ODF2L: variants seen among roughly 807,000 people sequenced by gnomAD.
ODF2L encodes the protein protein BCAP.
A neutral mutation model predicts 86.3 loss-of-function variants in ODF2L; 76 were observed. The observed-to-expected ratio is 0.88, with a 90% CI of 0.73 to 1.07. The LOEUF is 1.07. Ranked by LOEUF, ODF2L falls within the 50% of genes least tolerant of loss-of-function variation. The probability of loss-of-function intolerance (pLI) is 0.00; values close to 1 mark genes in which losing one functional copy is unlikely to be tolerated. For synonymous variants in ODF2L, 241 were observed against 231.3 expected (o/e 1.04, Z -0.38); for missense variants, 748 against 717.4 (o/e 1.04, Z -0.49).
Position 86,354,702 on chromosome 1 carries a change from G to T in ODF2L, c.1605-10C>A, listed in dbSNP as rs150379514. 3.6e-3 allele frequency: 5,765 copies of T among 1,596,204 alleles called. 25 individuals are homozygous for T. Among genetic ancestry groups the T allele is most frequent in the South Asian group, 5.4e-3 (482 of 88,970 alleles). ...CATCTGTTCTAATTTTCTTTTTACA[G>T]AAAACATATATTTTAAAATGTTAAT... On this transcript the variant is annotated splice_polypyrimidine_tract_variant and intron_variant, in intron 15 of 17. Transcript: ENST00000317336.
At chr1:86,373,893 T>C (rs1659986390) in intron 8 of ODF2L, among the ~76,000 whole-genome samples, 1 of 152,222 alleles carries the variant, frequency 6.6e-6, no homozygotes, top group Non-Finnish European at 1.5e-5. Context: ...GATTTTTATC[T>C]GCTTTTGTTC....
rs1217560425 is a variant in ODF2L, at chr1:86,352,164, G to A, written c.*27C>T. 7.3e-6 allele frequency: 11 copies of A among 1,510,488 alleles called. No homozygotes were observed. In the African/African-American group the frequency reaches 1.4e-4, roughly 19 times the overall value. 93.6% of individuals were successfully genotyped at this position (1,510,488 alleles called of 1,614,324 possible). A position where few individuals can be genotyped will look rare whatever the true frequency, so the allele number is the denominator to read the frequency against. The stretch of plus-strand genomic sequence containing the variant: ...AATCTTTTAGGTTTTCAACTTTTTA[G>A]ACACTTGGGAATTAAAAAAATAGAT... On this transcript the variant is annotated 3_prime_UTR_variant, in exon 18 of 18. Coordinates refer to ENST00000317336, the Ensembl canonical transcript of ODF2L.
At chr1:86,369,538 G>C (rs1020748568) in intron 10 of ODF2L, among the ~76,000 whole-genome samples, 2 of 152,104 alleles carry the variant, frequency 1.3e-5, no homozygotes, top group African/African-American at 4.8e-5. Flanking sequence ...TGTGAGCCTA[G>C]CTTTGTCCCA....
At chr1:86,348,769 T>A, downstream of ODF2L, 1 of 1,516,242 alleles carries the variant, frequency 6.6e-7, no homozygotes, top group Non-Finnish European at 8.8e-7. Context: ...CATTGTTACA[T>A]AAGAAGTTTT....
At chr1:86,382,073 C>A in intron 7 of ODF2L, 169 bp downstream of exon 7, 1 of 944,288 alleles carries the variant, frequency 1.1e-6, no homozygotes, top group South Asian at 4.4e-5. Flanking sequence ...AATTTGTACC[C>A]AAACCTTTAG....
chr1:86,394,600 A>C (rs1412844345), intron 1 of ODF2L, among the ~76,000 whole-genome samples: 1 of 152,160 alleles, frequency 6.6e-6, no homozygotes, highest in Non-Finnish European at 1.5e-5. Flanking sequence ...CACAGACTAC[A>C]ATTCTAAAGA....
chr1:86,386,487 G>A (rs1660962786), intron 2 of ODF2L: 1 of 154,812 alleles, frequency 6.5e-6, no homozygotes, highest in Non-Finnish European at 1.4e-5. Flanking sequence ...CCAGGTTCAA[G>A]TGATTCTTCT....
At chr1:86,361,605 A>G (rs1236593011) in intron 11 of ODF2L, among the ~76,000 whole-genome samples, 1 of 152,244 alleles carries the variant, frequency 6.6e-6, no homozygotes, top group Non-Finnish European at 1.5e-5. Context: ...TACAGTTTAA[A>G]TGGCAAACAA....
At chr1:86,357,331 T>G (rs1287878535) in intron 13 of ODF2L, among the ~76,000 whole-genome samples, 1 of 150,910 alleles carries the variant, frequency 6.6e-6, no homozygotes, top group East Asian at 1.9e-4. Context: ...GCATTCTTGA[T>G]CAGGAAAGAT....
At chr1:86,382,667 C>T (rs1306231364) in intron 6 of ODF2L, among the ~76,000 whole-genome samples, 1 of 151,906 alleles carries the variant, frequency 6.6e-6, no homozygotes, top group Non-Finnish European at 1.5e-5. Context: ...TGTTCCCCAA[C>T]TGAAACACAA....
chr1:86,368,198 A>G (rs1056677926), intron 11 of ODF2L, among the ~76,000 whole-genome samples: 2 of 152,152 alleles, frequency 1.3e-5, no homozygotes, highest in Non-Finnish European at 2.9e-5. Context: ...TATTGCCCTT[A>G]ACATTCATAT....
chr1:86,366,982 G>T (rs983440065), intron 11 of ODF2L, among the ~76,000 whole-genome samples: 2 of 151,980 alleles, frequency 1.3e-5, no homozygotes, highest in Non-Finnish European at 2.9e-5. Context: ...GATTTACAAG[G>T]TCTACAAAGT....
In ODF2L at chr1:86,376,430, A is replaced by T. The variant is rs897674050; in HGVS notation, c.625-12T>A. The T allele has an allele frequency of 1.3e-6, 2 of 1,495,830 alleles. No homozygotes were observed. Among genetic ancestry groups the T allele is most frequent in the Admixed American group, 4.1e-5 (2 of 48,574 alleles). 92.7% of individuals were successfully genotyped at this position (1,495,830 alleles called of 1,614,324 possible). A position where few individuals can be genotyped will look rare whatever the true frequency, so the allele number is the denominator to read the frequency against. On this transcript the variant is annotated splice_polypyrimidine_tract_variant and intron_variant, in intron 7 of 17. Coordinates refer to ENST00000317336, the Ensembl canonical transcript of ODF2L. ...TTGGTTTCTAAGCTCTAAAAAAAAA[A>T]TTAGCAACAATTAAATTATTTCAGA...
chr1:86,365,373 A>G (rs1025301463), intron 11 of ODF2L, among the ~76,000 whole-genome samples: 1 of 152,208 alleles, frequency 6.6e-6, no homozygotes, highest in South Asian at 2.1e-4. Context: ...ACTAGAAGTA[A>G]TGGAAGGATA....
At chr1:86,368,058 C>T (rs1263534398) in intron 11 of ODF2L, among the ~76,000 whole-genome samples, 1 of 152,104 alleles carries the variant, frequency 6.6e-6, no homozygotes, top group African/African-American at 2.4e-5. Context: ...CTGAACACGG[C>T]AAGCCACAGA....
chr1:86,361,354 C>G (rs1221395791), intron 11 of ODF2L, among the ~76,000 whole-genome samples: 1 of 152,186 alleles, frequency 6.6e-6, no homozygotes, highest in African/African-American at 2.4e-5. Context: ...AAGAACAAAC[C>G]TGAGTTTAGG....
chr1:86,358,122 C>A (rs532148902), intron 13 of ODF2L: 2 of 982,966 alleles, frequency 2.0e-6, no homozygotes, highest in East Asian at 1.1e-4. Context: ...TAGGGAGCAA[C>A]CCAGAGAGAG....
At chr1:86,357,180 C>T (rs1182388170) in intron 13 of ODF2L, among the ~76,000 whole-genome samples, 2 of 152,134 alleles carry the variant, frequency 1.3e-5, no homozygotes, top group Non-Finnish European at 2.9e-5. Flanking sequence ...TCTGTTTTGG[C>T]TACTGCAGTT....
At chr1:86,368,594 A>G in intron 11 of ODF2L, 1 of 1,295,532 alleles carries the variant, frequency 7.7e-7, no homozygotes, top group Admixed American at 3.5e-5. Flanking sequence ...TCCTGTGCTG[A>G]TGAGGTATAG....
Sources: allele counts gnomAD v4.1 joint callset (sites outside exome capture counted in the v4.1 genomes callset), GRCh38; gene constraint gnomAD v4.1.1; transcripts MANE v1.5; gene names NCBI Gene and HGNC (gene_info 2026-07-23, HGNC 2026-07-21).